Variants in AKT3 observed in about 807,000 individuals in gnomAD.
AKT3 encodes the protein RAC-gamma serine/threonine-protein kinase.
In AKT3, 15 loss-of-function variants were observed where a neutral mutation model predicts 65.3. That is an observed-to-expected ratio of 0.23 (90% CI 0.15 to 0.35). The LOEUF is 0.35. Ranked by LOEUF, AKT3 falls within the 10% of genes least tolerant of loss-of-function variation. The probability of loss-of-function intolerance (pLI) is 1.00; values close to 1 mark genes in which losing one functional copy is unlikely to be tolerated. For synonymous variants in AKT3, 206 were observed against 183.8 expected (o/e 1.12, Z -0.98); for missense variants, 243 against 576.5 (o/e 0.42, Z 5.92).
chr1:243,808,090 C>T (rs1483696841), intron 2 of AKT3: 1 of 152,140 alleles, frequency 6.6e-6, no homozygotes, highest in African/African-American at 2.4e-5. Context: ...AAAAAAAGAG[C>T]AGAAAAACTG....
At chr1:243,556,769 C>T (rs1246136942) in intron 10 of AKT3, among the ~76,000 whole-genome samples, 1 of 151,830 alleles carries the variant, frequency 6.6e-6, no homozygotes, top group East Asian at 1.9e-4. Flanking sequence ...TTTATGGGAG[C>T]CCTTCAGATA....
In AKT3 at chr1:243,563,757, T is replaced by C. The variant is rs1168181651; in HGVS notation, c.911A>G (p.Lys304Arg). 6.2e-7 allele frequency: 1 copy of C among 1,612,962 alleles called. No individual in the cohort carries two copies. The highest frequency in any genetic ancestry group is 8.5e-7 in the Non-Finnish European group (1 of 1,179,652). The change falls in exon 10 of 14, where the codon AAG becomes AGG. Residue 304 changes from lysine (K) to arginine (R), a missense_variant. This residue lies in a region of AKT3 where 4 missense variants were observed against 59.9 expected (regional missense o/e 0.07). Coordinates refer to ENST00000673466, the MANE Select transcript of AKT3 (RefSeq NM_005465.7). ...KEGITDAATM[K>R]TFCGTPEYLA... Reference sequence around the variant, plus strand: ...ATATTCTGGAGTGCCACAGAATGTCTTCATGGTGGCTGCATCTGTGATCCC... The same window carrying C: ...ATATTCTGGAGTGCCACAGAATGTCCTCATGGTGGCTGCATCTGTGATCCC...
At chr1:243,594,889 C>T in intron 8 of AKT3, among the ~76,000 whole-genome samples, 1 of 152,098 alleles carries the variant, frequency 6.6e-6, no homozygotes, top group South Asian at 2.1e-4. Context: ...TAAAGGACAG[C>T]CCTTTCAATG....
At chr1:243,756,054 C>G (rs1162358683) in intron 2 of AKT3, among the ~76,000 whole-genome samples, 1 of 152,058 alleles carries the variant, frequency 6.6e-6, no homozygotes, top group Non-Finnish European at 1.5e-5. Context: ...ATAACTGAAC[C>G]CCTGTTTCTC....
chr1:243,566,152 A>G (rs1674140801), intron 9 of AKT3, among the ~76,000 whole-genome samples: 2 of 152,188 alleles, frequency 1.3e-5, no homozygotes, highest in African/African-American at 4.8e-5. Context: ...GATACAGAAA[A>G]ACCAAAATGT....
chr1:243,703,955 A>C (rs909723961), intron 2 of AKT3, among the ~76,000 whole-genome samples: 1 of 152,168 alleles, frequency 6.6e-6, no homozygotes, highest in East Asian at 1.9e-4. Context: ...TAAAAACCTG[A>C]ATTTTTAGGT....
At chr1:243,847,134 A>C (rs184734323) in intron 1 of AKT3, among the ~76,000 whole-genome samples, 1 of 152,300 alleles carries the variant, frequency 6.6e-6, no homozygotes, top group Non-Finnish European at 1.5e-5. Context: ...GGAGTAACAC[A>C]AATCTTCTAA....
At position 243,749,403 on chromosome 1, in the gene AKT3, C is replaced by G. The variant is rs1688669034; in HGVS notation, c.47-53687G>C. On this transcript the variant is annotated intron_variant, in intron 2 of 13. Coordinates refer to ENST00000673466, the MANE Select transcript of AKT3 (RefSeq NM_005465.7). ...CCTCTTCAAACCCCTCTCCCCCAACCCCATCTTTCTCATTTTATAATATCC... is the reference window on the plus strand; with the variant it reads ...CCTCTTCAAACCCCTCTCCCCCAACGCCATCTTTCTCATTTTATAATATCC... 2.6e-5 allele frequency among the ~76,000 whole-genome samples: 4 copies of G among 152,182 alleles called. No homozygotes were observed. In the South Asian group the frequency reaches 8.3e-4, roughly 32 times the overall value.
At chr1:243,718,771 C>G (rs548706112) in intron 2 of AKT3, among the ~76,000 whole-genome samples, 5 of 152,264 alleles carry the variant, frequency 3.3e-5, no homozygotes, top group Admixed American at 6.5e-5. Context: ...CCGCACCCAG[C>G]CTCAGCTTCA....
chr1:243,497,347 G>C (rs900126349), downstream of AKT3, among the ~76,000 whole-genome samples: 1 of 137,038 alleles, frequency 7.3e-6, no homozygotes, highest in Non-Finnish European at 1.6e-5. Context: ...TGGGGGGGGG[G>C]GCGTTGAGCA....
At chr1:243,818,669 T>C (rs1385913043) in intron 2 of AKT3, among the ~76,000 whole-genome samples, 2 of 152,112 alleles carry the variant, frequency 1.3e-5, no homozygotes, top group African/African-American at 4.8e-5. Context: ...ACAAGTCTAA[T>C]TTGATAATTT....
intron 8 of AKT3, among the ~76,000 whole-genome samples, chr1:243,598,601 A>G (rs926498581): frequency 6.6e-6 from 1 of 152,204 alleles, no homozygotes; most frequent in African/African-American, 2.4e-5. Flanking sequence ...TATTCAGCCC[A>G]TCCTTGCAAA....
At chr1:243,748,103 T>C (rs559740401) in intron 2 of AKT3, among the ~76,000 whole-genome samples, 4 of 152,302 alleles carry the variant, frequency 2.6e-5, no homozygotes, top group Non-Finnish European at 4.4e-5. Flanking sequence ...TTAAAACATA[T>C]AGCATGCCTG....
At chr1:243,544,225 C>T (rs867522662) in intron 12 of AKT3, among the ~76,000 whole-genome samples, 3 of 107,734 alleles carry the variant, frequency 2.8e-5, no homozygotes, top group African/African-American at 1.1e-4. Context: ...TCTGTACTAA[C>T]AATATCTGAG....
chr1:243,617,881 T>A (rs1336621701), intron 6 of AKT3, among the ~76,000 whole-genome samples: 2 of 152,160 alleles, frequency 1.3e-5, no homozygotes, highest in Non-Finnish European at 2.9e-5. Flanking sequence ...AAAAGTTACA[T>A]GCCTCCAACA....
At chr1:243,778,591 T>C (rs1690703436) in intron 2 of AKT3, among the ~76,000 whole-genome samples, 2 of 152,214 alleles carry the variant, frequency 1.3e-5, no homozygotes, top group African/African-American at 2.4e-5. Flanking sequence ...TACTGTGCTG[T>C]AGGCCAATGG....
chr1:243,761,550 T>G (rs1414239701), intron 2 of AKT3, among the ~76,000 whole-genome samples: 1 of 152,050 alleles, frequency 6.6e-6, no homozygotes, highest in Non-Finnish European at 1.5e-5. Flanking sequence ...TACTCAGTCT[T>G]AAAAAAAGAA....
chr1:243,581,790 T>A (rs1025246384), intron 8 of AKT3, among the ~76,000 whole-genome samples: 1 of 151,754 alleles, frequency 6.6e-6, no homozygotes, highest in African/African-American at 2.4e-5. Flanking sequence ...AAAGTAGGGA[T>A]TGCAGTAAGC....
intron 4 of AKT3, among the ~76,000 whole-genome samples, chr1:243,658,439 T>TA (rs906036941): frequency 9.2e-5 from 14 of 152,078 alleles, no homozygotes; most frequent in Middle Eastern, 3.4e-3. Flanking sequence ...CTGTTGTTTT[T>TA]AAAAAAACAA....
Sources: allele counts gnomAD v4.1 joint callset (sites outside exome capture counted in the v4.1 genomes callset), GRCh38; gene constraint gnomAD v4.1.1; regional missense constraint gnomAD v4.1.1; transcripts MANE v1.5; gene names NCBI Gene and HGNC (gene_info 2026-07-23, HGNC 2026-07-21).